Variants in ZNF706 observed in about 807,000 individuals in gnomAD.
ZNF706 encodes the protein transcriptional regulator ZNF706.
A neutral mutation model predicts 9.2 loss-of-function variants in ZNF706; 4 were observed. The ratio of observed to expected loss-of-function variants is 0.43; its 90% CI spans 0.21 to 0.99. The LOEUF (loss-of-function observed/expected upper bound fraction) is 0.99. ZNF706 is among the 50% of genes least tolerant of loss of function. ZNF706 has a pLI of 0.26. For missense variants in ZNF706, 27 were observed against 87.8 expected, an observed-to-expected ratio of 0.31 and a Z score of 2.77; for synonymous variants, 28 against 27.3, an observed-to-expected ratio of 1.03 and a Z score of -0.08.
intron 1 of ZNF706, chr8:101,204,689 G>A: frequency 1.0e-6 from 1 of 985,446 alleles, no homozygotes; most frequent in Non-Finnish European, 1.2e-6. Flanking sequence ...GGTTTTCCGA[G>A]GGGGCTGCAA....
chr8:101,203,735 C>T (rs917250105), intron 1 of ZNF706: 1 of 152,086 alleles, frequency 6.6e-6, no homozygotes, highest in Non-Finnish European at 1.5e-5. Flanking sequence ...TATGAGAACC[C>T]CATTCCCACC....
chr8:101,205,725 C>G (rs1286771028), upstream of ZNF706: 2 of 153,960 alleles, frequency 1.3e-5, no homozygotes, highest in Admixed American at 1.3e-4. This position sits in a 1 kb window ranked among gnomAD's most constrained non-coding sequence, Gnocchi z 6.6. Flanking sequence ...CGCCCATGTG[C>G]CTTTCTGCGG....
intron 3 of ZNF706, among the ~76,000 whole-genome samples, chr8:101,199,645 G>A (rs941809240): frequency 6.6e-6 from 1 of 152,148 alleles, no homozygotes; most frequent in Non-Finnish European, 1.5e-5. Flanking sequence ...ATTGTAAAGA[G>A]GTGCTCAGGA....
rs1810411856 is a variant in ZNF706, at chr8:101,197,647, G to T, written c.*1605C>A. The T allele has an allele frequency of 6.6e-6, 1 of 152,012 alleles. No individual in the cohort carries two copies. The highest frequency in any genetic ancestry group is 1.5e-5 in the Non-Finnish European group (1 of 68,004). 9.4% of individuals were successfully genotyped at this position (152,012 alleles called of 1,614,324 possible). ...AAGTTGTGATTTAACCAGAACTTCTGCAATATCCACAAGAAATTAGGTAAA... is the reference window on the plus strand; with the variant it reads ...AAGTTGTGATTTAACCAGAACTTCTTCAATATCCACAAGAAATTAGGTAAA... On this transcript the variant is annotated 3_prime_UTR_variant, in exon 4 of 4. Coordinates refer to ENST00000311212, the MANE Select transcript of ZNF706 (RefSeq NM_016096.5).
intron 3 of ZNF706, among the ~76,000 whole-genome samples, chr8:101,199,494 A>C (rs1164688847): frequency 1.3e-5 from 2 of 152,222 alleles, no homozygotes; most frequent in East Asian, 3.8e-4. Context: ...ATAACTTTCA[A>C]CCAACAAATT....
chr8:101,202,931 TCTTA>T (rs1278491872), intron 1 of ZNF706: 2 of 152,234 alleles, frequency 1.3e-5, no homozygotes, highest in African/African-American at 4.8e-5. Flanking sequence ...GAAACTGTTT[TCTTA>T]CTTAGTTTTC....
chr8:101,200,718 T>C (rs775562540), intron 2 of ZNF706: 1 of 152,958 alleles, frequency 6.5e-6, no homozygotes, highest in Non-Finnish European at 1.5e-5. Flanking sequence ...TTCCAAACAA[T>C]CACAAGCTGC....
In ZNF706 at chr8:101,201,393, G is replaced by A. The variant is rs1810550049; in HGVS notation, c.135+214C>T. 3.8e-6 allele frequency: 2 copies of A among 531,872 alleles called. No homozygotes were observed. Among genetic ancestry groups the A allele is most frequent in the Non-Finnish European group, 6.6e-6 (2 of 304,876 alleles). The allele number at this position is 531,872 out of a possible 1,614,324, so 32.9% of individuals were successfully genotyped here. Reference sequence around the variant, plus strand: ...AAAGCAATTTTGTTTTGTTCACTCTGTTTTCCCAGCACCTAGAGATTTTTG... The same window carrying A: ...AAAGCAATTTTGTTTTGTTCACTCTATTTTCCCAGCACCTAGAGATTTTTG... On this transcript the variant is annotated intron_variant, in intron 2 of 3. Transcript: ENST00000311212. This position sits in a 1 kb window ranked among gnomAD's most constrained non-coding sequence, Gnocchi z 4.5.
At chr8:101,203,936 C>T (rs1458911977) in intron 1 of ZNF706, 3 of 152,150 alleles carry the variant, frequency 2.0e-5, no homozygotes, top group Non-Finnish European at 4.4e-5. Flanking sequence ...ATTATTTGGA[C>T]GACAGTAGTC....
At chr8:101,204,609 T>C in intron 1 of ZNF706, 1 of 985,330 alleles carries the variant, frequency 1.0e-6, no homozygotes, top group Non-Finnish European at 1.2e-6. Context: ...CTTGATTAAA[T>C]GCGACAAACT....
rs906108455 is a variant in ZNF706, at chr8:101,205,462, A to T, written c.-30T>A. 6.6e-6 allele frequency: 1 copy of T among 152,484 alleles called. No homozygotes were observed. The highest frequency in any genetic ancestry group is 2.4e-5 in the African/African-American group (1 of 41,230). The allele number at this position is 152,484 out of a possible 1,614,324, so 9.4% of individuals were successfully genotyped here. ...GGGCCGGGACAGTCTTGCGTCGGAG[A>T]GACAGTGCAGCGCGAGAGGGCCGGG... On this transcript the variant is annotated 5_prime_UTR_variant, in exon 1 of 4. Transcript: ENST00000311212. This position sits in a 1 kb window ranked among gnomAD's most constrained non-coding sequence, Gnocchi z 6.6.
At chr8:101,204,996 C>T (rs960317283) in intron 1 of ZNF706, 1 of 972,364 alleles carries the variant, frequency 1.0e-6, no homozygotes, top group Admixed American at 6.1e-5. Flanking sequence ...CAGCCTGGCG[C>T]ACCTTCCTTC....
intron 1 of ZNF706, chr8:101,203,128 T>C (rs1389023141): frequency 6.6e-6 from 1 of 152,180 alleles, no homozygotes; most frequent in African/African-American, 2.4e-5. Context: ...AAGATACCAC[T>C]TTTTGTTACC....
chr8:101,201,409 G>C lies in ZNF706; in HGVS notation c.135+198C>G. On this transcript the variant is annotated intron_variant, in intron 2 of 3. Coordinates refer to ENST00000311212, the MANE Select transcript of ZNF706 (RefSeq NM_016096.5). The surrounding 1 kb of genome is among the most constrained non-coding windows in gnomAD (Gnocchi z 4.5). ...GTTCACTCTGTTTTCCCAGCACCTA[G>C]AGATTTTTGCCTGGCCACAGGAGCC... The C allele has an allele frequency of 1.8e-6, 1 of 552,824 alleles. No individual in the cohort carries two copies. The highest frequency in any genetic ancestry group is 3.1e-6 in the Non-Finnish European group (1 of 319,798). 34.2% of individuals were successfully genotyped at this position (552,824 alleles called of 1,614,324 possible). A position where few individuals can be genotyped will look rare whatever the true frequency, so the allele number is the denominator to read the frequency against.
chr8:101,199,093 G>A lies in ZNF706; in HGVS notation c.*159C>T, dbSNP rs1810466503. On this transcript the variant is annotated 3_prime_UTR_variant, in exon 4 of 4. Coordinates refer to ENST00000311212, the MANE Select transcript of ZNF706 (RefSeq NM_016096.5). ...TGTACATTTACACAGAATTGTCTTT[G>A]CATGAAGCCCAAGAGGGAACAGCAT... 1 of 539,574 alleles carries A rather than the reference G, an allele frequency of 1.9e-6. No individual in the cohort carries two copies. Among genetic ancestry groups the A allele is most frequent in the African/African-American group, 1.9e-5 (1 of 53,086 alleles). 33.4% of individuals were successfully genotyped at this position (539,574 alleles called of 1,614,324 possible). A position where few individuals can be genotyped will look rare whatever the true frequency, so the allele number is the denominator to read the frequency against.
In ZNF706 at chr8:101,198,939, C is replaced by T. The variant is rs541133871; in HGVS notation, c.*313G>A. On this transcript the variant is annotated 3_prime_UTR_variant, in exon 4 of 4. Coordinates refer to ENST00000311212, the MANE Select transcript of ZNF706 (RefSeq NM_016096.5). The stretch of plus-strand genomic sequence containing the variant: ...TCTAAAACCATTTATCCTGTGATGT[C>T]GTAAATCAAAGTACTATTTTATTAA... The T allele has an allele frequency of 1.6e-4, 48 of 309,202 alleles. No individual in the cohort carries two copies. The highest frequency in any genetic ancestry group is 9.7e-4 in the African/African-American group (45 of 46,574). 19.2% of individuals were successfully genotyped at this position (309,202 alleles called of 1,614,324 possible). A position where few individuals can be genotyped will look rare whatever the true frequency, so the allele number is the denominator to read the frequency against.
rs1810402863 is a variant in ZNF706, at chr8:101,197,463, A to C, written c.*1789T>G. ...ATATAGTGTTAAATATGGTGTCTTC[A>C]GCTGCTTATAAAAAAGGGTTAAATA... is the stretch of plus-strand genomic sequence containing the variant. On this transcript the variant is annotated 3_prime_UTR_variant, in exon 4 of 4. Coordinates refer to ENST00000311212, the MANE Select transcript of ZNF706 (RefSeq NM_016096.5). The C allele has an allele frequency of 6.6e-6, 1 of 152,118 alleles. No individual in the cohort carries two copies. Among genetic ancestry groups the C allele is most frequent in the African/African-American group, 2.4e-5 (1 of 41,422 alleles). 9.4% of individuals were successfully genotyped at this position (152,118 alleles called of 1,614,324 possible).
intron 1 of ZNF706, chr8:101,203,924 GTATT>G (rs1259059918): frequency 6.6e-6 from 1 of 152,180 alleles, no homozygotes; most frequent in Non-Finnish European, 1.5e-5. Flanking sequence ...GGATACTTAT[GTATT>G]ATTTGGACGA....
At chr8:101,199,277 A>G in intron 3 of ZNF706, 38 bp from the exon 4 acceptor site, 1 of 699,922 alleles carries the variant, frequency 1.4e-6, no homozygotes, top group Non-Finnish European at 2.6e-6. Context: ...GAATGTTACC[A>G]TTGCACAAAT....
Sources: allele counts gnomAD v4.1 joint callset (sites outside exome capture counted in the v4.1 genomes callset), GRCh38; gene constraint gnomAD v4.1.1; non-coding constraint Gnocchi (gnomAD v3.1); transcripts MANE v1.5; gene names NCBI Gene and HGNC (gene_info 2026-07-23, HGNC 2026-07-21).